UGT1A5: variants seen among roughly 807,000 people sequenced by gnomAD.
The protein encoded by UGT1A5 is UDP glucuronosyltransferase family 1 member A5.
A neutral mutation model predicts 40.3 loss-of-function variants in UGT1A5; 29 were observed. The observed-to-expected ratio is 0.72, with a 90% confidence interval of 0.54 to 0.98. UGT1A5 has a LOEUF of 0.98. UGT1A5 is among the 50% of genes least tolerant of loss of function. The pLI, the probability that UGT1A5 is intolerant of heterozygous loss-of-function variation, is 0.00. For synonymous variants in UGT1A5, 257 were observed against 262.5 expected (o/e 0.98, Z 0.20); for missense variants, 678 against 677.9 (o/e 1.00, Z 0.00).
At chr2:233,719,054 A>G (rs1258988641) in intron 1 of UGT1A5, 3 of 1,614,260 alleles carry the variant, frequency 1.9e-6, no homozygotes, top group Non-Finnish European at 2.5e-6. Flanking sequence ...TCACCCTGAC[A>G]GCCTATGCTG....
At chr2:233,744,074 G>C in intron 1 of UGT1A5, 1 of 470,704 alleles carries the variant, frequency 2.1e-6, no homozygotes, top group Non-Finnish European at 3.5e-6. Context: ...TGAGCGCCTC[G>C]CATCCCAAGA....
At position 233,718,962 on chromosome 2, in the gene UGT1A5, T is replaced by A. The variant is rs2011425; in HGVS notation, c.867+5104T>A. The stretch of plus-strand genomic sequence containing the variant: ...CCCCTGGCTCAGCATGCGGGAGGCC[T>A]TGCGGGAGCTCCATGCCAGAGGCCA... On this transcript the variant is annotated intron_variant, in intron 1 of 4. Coordinates refer to ENST00000373414, the MANE Select transcript of UGT1A5 (RefSeq NM_019078.2). 1.5e-5 allele frequency: 24 copies of A among 1,614,014 alleles called. No individual in the cohort carries two copies. In the South Asian group the frequency reaches 2.6e-4, roughly 18 times the overall value.
rs528884709 is a variant in UGT1A5, at chr2:233,723,430, G to A, written c.867+9572G>A. Among the ~76,000 whole-genome samples the A allele has an allele frequency of 9.0e-5, 12 of 133,776 alleles. 1 individual carries two copies. In the South Asian group the frequency reaches 1.7e-3, roughly 19 times the overall value. 87.8% of individuals were successfully genotyped at this position (133,776 alleles called of 152,430 possible). On this transcript the variant is annotated intron_variant, in intron 1 of 4. Coordinates refer to ENST00000373414, the MANE Select transcript of UGT1A5 (RefSeq NM_019078.2). ...TCACCATACTGGTCAGGCTGGTCTC[G>A]AACTCCTGACCTCAGGTGATCCACC...
chr2:233,755,095 C>T (rs1348652333), intron 1 of UGT1A5: 32 of 1,334,722 alleles, frequency 2.4e-5, no homozygotes, highest in Non-Finnish European at 3.1e-5. Context: ...CGTTTCTACG[C>T]GTCCGACAAC....
rs1437510882 is a variant in UGT1A5 at position 233,713,518 on chromosome 2, T to C, written c.527T>C (p.Ile176Thr). Residue 176 changes from isoleucine (I) to threonine (T), a missense_variant, in exon 1 of 5, where the codon ATT becomes ACT. Physicochemically the swap from Ile to Thr is moderately conservative, Grantham distance 89 (BLOSUM62 -1). Transcript: ENST00000373414. ...CCTGCTGTGTTTTTCTTGAGGAACA[T>C]TCCATGTGATTTAGACTTTAAGGGC... is the stretch of plus-strand genomic sequence containing the variant. ...SIPAVFFLRN[I>T]PCDLDFKGTQ... 3 of 1,613,936 alleles carry C rather than the reference T, an allele frequency of 1.9e-6. No individual in the cohort carries two copies. In the South Asian group the frequency reaches 3.3e-5, roughly 18 times the overall value.
rs763548038 is a variant in UGT1A5, at chr2:233,772,319, G to T, written c.1365G>T (p.Pro455=). Residue 455 remains proline, a synonymous_variant, in exon 5 of 5, where the codon CCG becomes CCT. Coordinates refer to ENST00000373414, the MANE Select transcript of UGT1A5 (RefSeq NM_019078.2). ...SSLHKDRPVE[P]LDLAVFWVEF... ...TTCACAAGGACCGCCCGGTGGAGCC[G>T]CTGGACCTGGCCGTGTTCTGGGTGG... 6.2e-7 allele frequency: 1 copy of T among 1,614,164 alleles called. No homozygotes were observed. The highest frequency in any genetic ancestry group is 8.5e-7 in the Non-Finnish European group (1 of 1,180,030).
chr2:233,751,126 G>C (rs1694648439), intron 1 of UGT1A5, among the ~76,000 whole-genome samples: 1 of 151,986 alleles, frequency 6.6e-6, no homozygotes, highest in East Asian at 1.9e-4. Flanking sequence ...TGTCCAAGTT[G>C]CCTGAGACTG....
intron 1 of UGT1A5, chr2:233,755,051 C>T (rs779353656): frequency 7.5e-6 from 10 of 1,331,260 alleles, no homozygotes; most frequent in East Asian, 4.6e-5. Context: ...AGCCGCCCTC[C>T]GCCCTCGCCT....
chr2:233,766,304 C>T (rs1472747158), intron 1 of UGT1A5, among the ~76,000 whole-genome samples: 4 of 151,950 alleles, frequency 2.6e-5, no homozygotes, highest in Non-Finnish European at 4.4e-5. Context: ...GGCTCTCCTC[C>T]GACTGCCTCA....
intron 2 of UGT1A5, 143 bp from the exon 3 acceptor site, chr2:233,767,706 A>C (rs1467899863): frequency 1.1e-5 from 16 of 1,521,756 alleles, no homozygotes; most frequent in Admixed American, 2.0e-5. Flanking sequence ...GCCAGTCCTC[A>C]GAAGCCTTCA....
rs571818278 is a variant in UGT1A5, at chr2:233,740,159, T to C, written c.867+26301T>C. Among the ~76,000 whole-genome samples, 52 of 151,986 alleles carry C rather than the reference T, an allele frequency of 3.4e-4. 1 individual carries two copies. Among genetic ancestry groups the C allele is most frequent in the African/African-American group, 1.2e-3 (48 of 41,236 alleles). On this transcript the variant is annotated intron_variant, in intron 1 of 4. Coordinates refer to ENST00000373414, the MANE Select transcript of UGT1A5 (RefSeq NM_019078.2). ...TGTAAGTTTCCTGAGGCCTCCCCAG[T>C]CATGTGGAACTGTGAGTCAATTAAA...
intron 1 of UGT1A5, chr2:233,718,696 A>G: frequency 1.9e-6 from 3 of 1,595,236 alleles, no homozygotes; most frequent in Non-Finnish European, 2.6e-6. Flanking sequence ...GGAGGAGGGC[A>G]CTTTGTCTTC....
intron 1 of UGT1A5, among the ~76,000 whole-genome samples, chr2:233,757,184 G>A (rs1386483916): frequency 6.6e-6 from 1 of 151,202 alleles, no homozygotes; most frequent in Non-Finnish European, 1.5e-5. Context: ...CAAGGCAGAG[G>A]ACTCTGAATT....
chr2:233,719,879 C>T (rs573880021), intron 1 of UGT1A5, among the ~76,000 whole-genome samples: 35 of 152,076 alleles, frequency 2.3e-4, no homozygotes, highest in Non-Finnish European at 3.7e-4. Context: ...AGAAGAGGCA[C>T]GGATGAGGGT....
intron 1 of UGT1A5, chr2:233,719,224 A>C: frequency 1.2e-6 from 2 of 1,614,188 alleles, no homozygotes; most frequent in Non-Finnish European, 1.7e-6. Context: ...CTGCATAATG[A>C]GGCCCTGATC....
Position 233,760,871 on chromosome 2 carries a change from G to A in UGT1A5, c.868-6163G>A, listed in dbSNP as rs767764203. 84 of 1,614,010 alleles carry A rather than the reference G, an allele frequency of 5.2e-5. No individual in the cohort carries two copies. Among genetic ancestry groups the A allele is most frequent in the Non-Finnish European group, 5.2e-5 (61 of 1,180,040 alleles). On this transcript the variant is annotated intron_variant, in intron 1 of 4. Transcript: ENST00000373414. ...CCCAACCCATTCTCCTACGTGCCCAGGCCTCTCTCCTCTCATTCAGATCAC... is the reference window on the plus strand; with the variant it reads ...CCCAACCCATTCTCCTACGTGCCCAAGCCTCTCTCCTCTCATTCAGATCAC...
intron 1 of UGT1A5, chr2:233,755,466 T>C: frequency 4.1e-6 from 1 of 241,540 alleles, no homozygotes; most frequent in Non-Finnish European, 8.3e-6. Context: ...CCCTGCTCTC[T>C]GTGAGGCTCT....
chr2:233,729,112 G>C, intron 1 of UGT1A5: 1 of 1,612,932 alleles, frequency 6.2e-7, no homozygotes, highest in Non-Finnish European at 8.5e-7. Flanking sequence ...TCAGCTGTCC[G>C]TGTCTTCTGC....
At chr2:233,767,234 C>T in intron 2 of UGT1A5, 69 bp downstream of exon 2, 1 of 1,609,592 alleles carries the variant, frequency 6.2e-7, no homozygotes, top group Middle Eastern at 1.7e-4. Context: ...CTTCCAGCTT[C>T]CAGATTAATT....
Sources: allele counts gnomAD v4.1 joint callset (sites outside exome capture counted in the v4.1 genomes callset), GRCh38; gene constraint gnomAD v4.1.1; transcripts MANE v1.5; gene names NCBI Gene and HGNC (gene_info 2026-07-23, HGNC 2026-07-21).